TRIM14: variants seen among roughly 807,000 people sequenced by gnomAD.
TRIM14 encodes tripartite motif-containing protein 14.
In TRIM14, 28 loss-of-function variants were observed where a neutral mutation model predicts 44.5. The ratio of observed to expected loss-of-function variants is 0.63; its 90% CI spans 0.47 to 0.86. The LOEUF (loss-of-function observed/expected upper bound fraction) is 0.86. Among genes scored for constraint, TRIM14 ranks in the 40% least tolerant of loss-of-function variants. The pLI is 0.00. For synonymous variants in TRIM14, 299 were observed against 269.2 expected (o/e 1.11, Z -1.08); for missense variants, 607 against 611.1 (o/e 0.99, Z 0.07).
intron 3 of TRIM14, among the ~76,000 whole-genome samples, chr9:98,097,591 G>A (rs1460199009): frequency 5.3e-5 from 8 of 152,130 alleles, no homozygotes. Flanking sequence ...AAGCTGTATT[G>A]TAAATAACTG....
chr9:98,053,802 A>AAAATAAAT, the TRIM14 span, among the ~76,000 whole-genome samples: 23,762 of 146,288 alleles, frequency 0.16, 2,072 homozygotes, highest in Middle Eastern at 0.22. Flanking sequence ...AGCCCACTAC[A>AAAATAAAT]AAATAAATAA....
the TRIM14 span, chr9:98,056,753 G>C: frequency 1.0e-5 from 16 of 1,584,250 alleles, no homozygotes; most frequent in South Asian, 1.8e-4. Flanking sequence ...TAGAGGCGGC[G>C]GCGGCGGCGG....
intron 1 of TRIM14, among the ~76,000 whole-genome samples, chr9:98,115,660 AG>A (rs1052043377): frequency 6.6e-6 from 1 of 152,162 alleles, no homozygotes. Flanking sequence ...CTGGGTTTAC[AG>A]GCGTGAGCCA....
At chr9:98,094,730 C>T in intron 4 of TRIM14, 137 bp downstream of exon 4, 2 of 999,844 alleles carry the variant, frequency 2.0e-6, no homozygotes, top group South Asian at 1.6e-5. Context: ...GGCACCAGGC[C>T]CAGGAGCCCC....
chr9:98,038,509 A>C, the TRIM14 span, among the ~76,000 whole-genome samples: 1 of 152,228 alleles, frequency 6.6e-6, no homozygotes, highest in Non-Finnish European at 1.5e-5. Context: ...ATAGTAAGAC[A>C]AAGTACTACG....
the TRIM14 span, chr9:98,056,965 G>A: frequency 6.4e-7 from 1 of 1,554,106 alleles, no homozygotes; most frequent in African/African-American, 1.4e-5. Flanking sequence ...CCCGGGACCC[G>A]GGATTCGGGC....
rs937960657 is a variant in TRIM14 at position 98,099,931 on chromosome 9, C to T, written c.537G>A (p.Gln179=). The T allele has an allele frequency of 1.2e-6, 2 of 1,611,570 alleles. No homozygotes were observed. The highest frequency in any genetic ancestry group is 1.7e-6 in the Non-Finnish European group (2 of 1,179,038). ...SQEPDPVQRL[Q]AYTATEQEMQ... ...GTAAGAGCAGTGACCCCAGCATTAC[C>T]TGAAGCCTCTGGACAGGATCGGGCT... Residue 179 remains glutamine (Q), a splice_region_variant and synonymous_variant, in exon 3 of 6, where the codon CAG becomes CAA. Coordinates refer to ENST00000341469, the MANE Select transcript of TRIM14 (RefSeq NM_014788.4).
chr9:98,109,952 T>C lies in TRIM14; in HGVS notation c.240A>G (p.Ala80=). Residue 80 remains alanine, a synonymous_variant, in exon 2 of 6, where the codon GCA becomes GCG. Coordinates refer to ENST00000341469, the MANE Select transcript of TRIM14 (RefSeq NM_014788.4). ...TGTCAATGTGCTGCTGCTTCTTGAT[T>C]GCCAGCTGCTTTAAACATTCTTGGC... is the stretch of plus-strand genomic sequence containing the variant. ...KLSQECLKQL[A]IKKQQHIDNI... 6.2e-7 allele frequency: 1 copy of C among 1,614,126 alleles called. No homozygotes were observed. Among genetic ancestry groups the C allele is most frequent in the Non-Finnish European group, 8.5e-7 (1 of 1,180,002 alleles).
chr9:98,097,614 T>A (rs1826232953), intron 3 of TRIM14, among the ~76,000 whole-genome samples: 1 of 152,138 alleles, frequency 6.6e-6, no homozygotes, highest in Admixed American at 6.6e-5. Flanking sequence ...TCTGAGCAAG[T>A]CCCCCACCCA....
downstream of TRIM14, among the ~76,000 whole-genome samples, chr9:98,082,423 A>G (rs368385420): frequency 6.6e-5 from 10 of 152,318 alleles, no homozygotes; most frequent in South Asian, 2.1e-4. Context: ...TGAGATACTG[A>G]GCTGAATGGT....
At chr9:98,070,307 G>A (rs989642196) in intron 6 of TRIM14, among the ~76,000 whole-genome samples, 17 of 151,908 alleles carry the variant, frequency 1.1e-4, no homozygotes, top group African/African-American at 1.7e-4. Context: ...TAGTAGAGAC[G>A]GGGTTTCACC....
chr9:98,040,251 T>A, the TRIM14 span, among the ~76,000 whole-genome samples: 2 of 152,176 alleles, frequency 1.3e-5, no homozygotes, highest in African/African-American at 4.8e-5. Flanking sequence ...TCCACCTGCT[T>A]TGACAACTGA....
rs551840528 is a variant in TRIM14 at position 98,069,747 on chromosome 9, G to A, written c.*29-60C>T. ...ATGAGTAGTTGCCAAAGGTTAGTAA[G>A]GGGAAGGGGATGTGGTTATAAAGGG... On this transcript the variant is annotated intron_variant, in intron 6 of 6. Transcript: ENST00000375098. 4 of 152,440 alleles carry A rather than the reference G, an allele frequency of 2.6e-5. No homozygotes were observed. The East Asian group carries it at 7.7e-4, about 29-fold the overall frequency. 9.4% of individuals were successfully genotyped at this position (152,440 alleles called of 1,614,324 possible).
At chr9:98,066,352 A>G (rs1015514705), downstream of TRIM14, among the ~76,000 whole-genome samples, 1 of 152,146 alleles carries the variant, frequency 6.6e-6, no homozygotes, top group Non-Finnish European at 1.5e-5. Context: ...CATCATTCTC[A>G]CAAGTATATA....
At position 98,087,356 on chromosome 9, in the gene TRIM14, G is replaced by A; in HGVS notation, c.*114C>T. 6.7e-7 allele frequency: 1 copy of A among 1,487,904 alleles called. No individual in the cohort carries two copies. The highest frequency in any genetic ancestry group is 9.4e-7 in the Non-Finnish European group (1 of 1,065,744). 92.2% of individuals were successfully genotyped at this position (1,487,904 alleles called of 1,614,324 possible). On this transcript the variant is annotated 3_prime_UTR_variant, in exon 6 of 6. Transcript: ENST00000341469. ...TGATTGGTCGGGGAAAGCTGGGGCA[G>A]GGAGAGGGCCCTAAGAAGCAGGCAG...
chr9:98,078,084 G>A, intron 6 of TRIM14: 1 of 1,491,316 alleles, frequency 6.7e-7, no homozygotes, highest in Non-Finnish European at 9.2e-7. Context: ...TGTTTTAAGA[G>A]ATGTCTGTGG....
chr9:98,041,843 C>A, the TRIM14 span, among the ~76,000 whole-genome samples: 25 of 151,192 alleles, frequency 1.7e-4, no homozygotes, highest in South Asian at 2.1e-3. Flanking sequence ...CCACCACACC[C>A]AGCTAATTTT....
chr9:98,057,104 G>A, the TRIM14 span, among the ~76,000 whole-genome samples: 573 of 152,346 alleles, frequency 3.8e-3, no homozygotes, highest in Non-Finnish European at 6.5e-3. Flanking sequence ...CTTCCTCACC[G>A]TGTCCGCCAC....
chr9:98,043,182 ATT>A, the TRIM14 span, among the ~76,000 whole-genome samples: 2 of 144,320 alleles, frequency 1.4e-5, no homozygotes. Context: ...CTAAATTTGC[ATT>A]TTTTTTTTTT....
Sources: allele counts gnomAD v4.1 joint callset (sites outside exome capture counted in the v4.1 genomes callset), GRCh38; gene constraint gnomAD v4.1.1; transcripts MANE v1.5; gene names NCBI Gene and HGNC (gene_info 2026-07-23, HGNC 2026-07-21).